Variants in MPDZ observed in about 807,000 individuals in gnomAD.
MPDZ encodes multiple PDZ domain protein.
In MPDZ, 234 loss-of-function variants were observed where a neutral mutation model predicts 239.1. The ratio of observed to expected loss-of-function variants is 0.98; its 90% CI spans 0.88 to 1.09. The LOEUF is 1.09. Ranked by LOEUF, MPDZ falls within the 50% of genes least tolerant of loss-of-function variation. MPDZ has a pLI of 0.00. For missense variants in MPDZ, 3,175 were observed against 2,510.0 expected (o/e 1.26, Z -5.66); for synonymous variants, 1,048 against 881.3 (o/e 1.19, Z -3.35).
chr9:13,236,280 T>A lies in MPDZ; in HGVS notation c.183+11355A>T, dbSNP rs1414351033. 3.1e-3 allele frequency among the ~76,000 whole-genome samples: 247 copies of A among 80,116 alleles called. 14 individuals carry two copies. Among genetic ancestry groups the A allele is most frequent in the East Asian group, 0.015 (32 of 2,074 alleles). The allele number at this position is 80,116 out of a possible 152,430, so 52.6% of individuals were successfully genotyped here. On this transcript the variant is annotated intron_variant, in intron 3 of 46. Transcript: ENST00000319217. ...ATATATATATATATTTTTTTTTTTT[T>A]TTTTTTTTTTTTTTGAGACAGAGTT...
intron 7 of MPDZ, 109 bp from the exon 8 acceptor site, chr9:13,219,877 TCAGGACA>T: frequency 3.8e-6 from 4 of 1,041,020 alleles, no homozygotes; most frequent in Non-Finnish European, 5.7e-6. Context: ...GAGTTACCAA[TCAGGACA>T]TAAAATAAAA....
intron 28 of MPDZ, 127 bp downstream of exon 28, chr9:13,139,860 C>A: frequency 9.3e-7 from 1 of 1,075,866 alleles, no homozygotes. Flanking sequence ...CTATTTCTTT[C>A]CACACAGAAT....
intron 32 of MPDZ, among the ~76,000 whole-genome samples, chr9:13,130,477 G>A (rs1021899743): frequency 1.3e-5 from 2 of 152,010 alleles, no homozygotes; most frequent in Admixed American, 1.3e-4. Flanking sequence ...CTATGTTGAT[G>A]ACACTGAGTA....
At chr9:13,273,045 C>T (rs1369709197) in intron 1 of MPDZ, among the ~76,000 whole-genome samples, 2 of 151,962 alleles carry the variant, frequency 1.3e-5, no homozygotes, top group South Asian at 4.2e-4. Context: ...AAATAGGTAC[C>T]AGAGAGCAGC....
rs1944005828 is a variant in MPDZ at position 13,119,503 on chromosome 9, T to G, written c.5378A>C (p.Lys1793Thr). 1 of 1,608,220 alleles carries G rather than the reference T, an allele frequency of 6.2e-7. No homozygotes were observed. Among genetic ancestry groups the G allele is most frequent in the Admixed American group, 1.7e-5 (1 of 58,896 alleles). The change falls in exon 39 of 47, where the codon AAG (lysine) becomes ACG (threonine). Residue 1793 changes from lysine to threonine, a missense_variant and splice_region_variant. Transcript: ENST00000319217. Reference protein sequence around the residue: ...ATQEAVAALLKCSLGTVTLEV... With the variant: ...ATQEAVAALLTCSLGTVTLEV... ...AGAATTATTTTTTGCATTTTTTACC[T>G]TTAGCAAAGCGGCAACCGCTTCTTG...
intron 7 of MPDZ, among the ~76,000 whole-genome samples, chr9:13,220,094 A>T (rs1382179750): frequency 2.0e-5 from 3 of 152,006 alleles, no homozygotes; most frequent in Non-Finnish European, 4.4e-5. Context: ...GGAGGGAAAG[A>T]AGAAAATGCC....
chr9:13,150,809 A>G, intron 24 of MPDZ, 121 bp from the exon 25 acceptor site: 1 of 599,736 alleles, frequency 1.7e-6, no homozygotes, highest in Non-Finnish European at 2.5e-6. Context: ...AAAAGAAAAA[A>G]TAGATAAAAT....
At chr9:13,133,609 A>C (rs1398403568) in intron 32 of MPDZ, among the ~76,000 whole-genome samples, 2 of 152,228 alleles carry the variant, frequency 1.3e-5, no homozygotes, top group Non-Finnish European at 2.9e-5. Flanking sequence ...AACGTGCATC[A>C]GGCGGGTCTA....
chr9:13,175,643 C>T, intron 21 of MPDZ, 109 bp downstream of exon 21: 1 of 1,132,730 alleles, frequency 8.8e-7, no homozygotes, highest in Non-Finnish European at 1.3e-6. Context: ...AAAATTTCTA[C>T]CATCTGTTCT....
chr9:13,148,885 C>G (rs957333204), intron 25 of MPDZ, among the ~76,000 whole-genome samples: 1 of 151,324 alleles, frequency 6.6e-6, no homozygotes, highest in African/African-American at 2.4e-5. Context: ...TTTTAAAACG[C>G]ACAAAAAAGT....
intron 25 of MPDZ, 78 bp downstream of exon 25, chr9:13,150,433 T>C (rs1178960916): frequency 8.5e-7 from 1 of 1,175,644 alleles, no homozygotes; most frequent in Non-Finnish European, 1.1e-6. Flanking sequence ...ACTTAAAGTA[T>C]AATAATAGTA....
intron 1 of MPDZ, among the ~76,000 whole-genome samples, chr9:13,273,183 T>C (rs1028686848): frequency 6.6e-6 from 1 of 152,180 alleles, no homozygotes; most frequent in Non-Finnish European, 1.5e-5. Flanking sequence ...GAAATAAATG[T>C]ATGTTTATAA....
chr9:13,136,567 C>T lies in MPDZ; in HGVS notation c.4292+145G>A, dbSNP rs1276606445. 5 of 599,058 alleles carry T rather than the reference C, an allele frequency of 8.3e-6. No individual in the cohort carries two copies. In the African/African-American group the frequency reaches 9.5e-5, roughly 11 times the overall value. The allele number at this position is 599,058 out of a possible 1,614,324, so 37.1% of individuals were successfully genotyped here. On this transcript the variant is annotated intron_variant, in intron 30 of 46. Transcript: ENST00000319217. ...GGTCCCGATCTCCTGACCTCATGAT[C>T]CGCCCGCCTCAGCCTCCCAAAGTGC... is the stretch of plus-strand genomic sequence containing the variant.
At chr9:13,166,578 A>AATGG (rs1951104170) in intron 22 of MPDZ, among the ~76,000 whole-genome samples, 1 of 152,118 alleles carries the variant, frequency 6.6e-6, no homozygotes. Context: ...TGACTGAATG[A>AATGG]ATGGATGACT....
At chr9:13,143,673 AT>A (rs1222827959) in intron 26 of MPDZ, 109 bp from the exon 27 acceptor site, 1 of 802,518 alleles carries the variant, frequency 1.2e-6, no homozygotes, top group Non-Finnish European at 2.2e-6. Flanking sequence ...GTGAAACTAG[AT>A]CCTATCAGAT....
At chr9:13,109,149 T>G in intron 45 of MPDZ, 90 bp from the exon 46 acceptor site, 1 of 1,053,034 alleles carries the variant, frequency 9.5e-7, no homozygotes, top group Non-Finnish European at 1.2e-6. Context: ...CACCTAGAGC[T>G]AGCATAATTC....
chr9:13,198,584 A>G (rs893476950), intron 12 of MPDZ, among the ~76,000 whole-genome samples: 6 of 151,840 alleles, frequency 4.0e-5, no homozygotes, highest in African/African-American at 1.5e-4. Context: ...AAAGCTTTTT[A>G]GCTTGATGTG....
chr9:13,121,836 C>T lies in MPDZ; in HGVS notation c.5134G>A (p.Glu1712Lys), dbSNP rs1944394637. Residue 1712 changes from glutamate to lysine, a missense_variant, in exon 38 of 47, where the codon GAG (glutamate) becomes AAG (lysine). Physicochemically the swap from Glu to Lys is moderately conservative, Grantham distance 56 (BLOSUM62 1). Transcript: ENST00000319217. ...QRVRLTLYRD[E>K]APYKEEEVCD... ...ACTTCCTCCTCTTTGTATGGGGCCT[C>T]ATCTCTGTAGAGTGTCAGGCGCACT... The T allele has an allele frequency of 6.2e-7, 1 of 1,613,828 alleles. No individual in the cohort carries two copies. Among genetic ancestry groups the T allele is most frequent in the African/African-American group, 1.3e-5 (1 of 74,906 alleles).
chr9:13,198,452 T>C (rs1955925011), intron 12 of MPDZ, among the ~76,000 whole-genome samples: 1 of 152,146 alleles, frequency 6.6e-6, no homozygotes, highest in Non-Finnish European at 1.5e-5. Context: ...TTTGATTTTT[T>C]TTCTATTGAG....
Sources: gnomAD v4.1 joint callset for allele counts (sites outside exome capture counted in the v4.1 genomes callset) on GRCh38, gnomAD v4.1.1 for gene constraint, MANE v1.5 for transcripts, NCBI Gene and HGNC (gene_info 2026-07-23, HGNC 2026-07-21) for gene names.